Variants in NCKAP5 observed in about 807,000 individuals in gnomAD.
The protein encoded by NCKAP5 is NCK associated protein 5, also known as nck-associated protein 5.
Under a neutral mutation model 167.0 loss-of-function variants are expected in NCKAP5, and 92 were observed. That is an observed-to-expected ratio of 0.55 (90% CI 0.47 to 0.66). The LOEUF (loss-of-function observed/expected upper bound fraction) is 0.66, where lower values mean the gene tolerates loss of function less well. NCKAP5 is among the 30% of genes least tolerant of loss of function. The probability of loss-of-function intolerance (pLI) is 0.00; values close to 1 mark genes in which losing one functional copy is unlikely to be tolerated. For synonymous variants in NCKAP5, 891 were observed against 877.4 expected (o/e 1.02, Z -0.27); for missense variants, 2,378 against 2,315.0 (o/e 1.03, Z -0.56).
At chr2:133,047,057 A>G (rs1013569373) in intron 6 of NCKAP5, among the ~76,000 whole-genome samples, 1 of 152,210 alleles carries the variant, frequency 6.6e-6, no homozygotes, top group African/African-American at 2.4e-5. Flanking sequence ...CCACTTAAAG[A>G]GCACTATTCC....
At chr2:133,511,558 ATT>A (rs1442443939) in intron 3 of NCKAP5, among the ~76,000 whole-genome samples, 1 of 152,226 alleles carries the variant, frequency 6.6e-6, no homozygotes, top group African/African-American at 2.4e-5. Flanking sequence ...TCAGCGTGAC[ATT>A]TTGGAAAGGT....
the NCKAP5 span, among the ~76,000 whole-genome samples, chr2:133,618,081 T>C: frequency 6.7e-6 from 1 of 149,950 alleles, no homozygotes; most frequent in Non-Finnish European, 1.5e-5. Context: ...TAAATGGTGC[T>C]GGGAAAACTG....
intron 6 of NCKAP5, among the ~76,000 whole-genome samples, chr2:133,010,720 T>C (rs1197755501): frequency 6.6e-6 from 1 of 152,206 alleles, no homozygotes; most frequent in Admixed American, 6.5e-5. Context: ...CATTAAACAA[T>C]AGTCAAGTGT....
intron 4 of NCKAP5, among the ~76,000 whole-genome samples, chr2:133,234,274 T>C (rs572462150): frequency 5.3e-4 from 81 of 152,226 alleles, no homozygotes; most frequent in African/African-American, 1.8e-3. Context: ...TAAACAAAAG[T>C]ACACTGCAGA....
At chr2:133,503,227 T>C (rs1682695943) in intron 3 of NCKAP5, among the ~76,000 whole-genome samples, 1 of 152,218 alleles carries the variant, frequency 6.6e-6, no homozygotes. Flanking sequence ...ATGGAACACC[T>C]TGGAATGCTC....
chr2:133,175,889 C>T (rs1367702512), intron 5 of NCKAP5, among the ~76,000 whole-genome samples: 2 of 152,160 alleles, frequency 1.3e-5, no homozygotes, highest in African/African-American at 2.4e-5. Flanking sequence ...CCAGAAACCA[C>T]GGTAAATCCA....
the NCKAP5 span, among the ~76,000 whole-genome samples, chr2:133,602,873 C>A: frequency 1.3e-5 from 2 of 152,122 alleles, no homozygotes; most frequent in East Asian, 3.9e-4. Flanking sequence ...CTTTGAGAGG[C>A]CTTCTGCTGA....
At chr2:133,009,507 A>G (rs1304479361) in intron 6 of NCKAP5, among the ~76,000 whole-genome samples, 1 of 152,150 alleles carries the variant, frequency 6.6e-6, no homozygotes, top group Non-Finnish European at 1.5e-5. Context: ...CCAATGCTGG[A>G]AAGCTTAAAA....
intron 6 of NCKAP5, among the ~76,000 whole-genome samples, chr2:133,129,717 C>G (rs2082532494): frequency 6.6e-6 from 1 of 152,214 alleles, no homozygotes; most frequent in African/African-American, 2.4e-5. Context: ...CACCACAACT[C>G]ACTTGAAGAC....
chr2:132,811,893 T>C (rs1685902416), intron 11 of NCKAP5, among the ~76,000 whole-genome samples: 1 of 152,182 alleles, frequency 6.6e-6, no homozygotes, highest in Non-Finnish European at 1.5e-5. Flanking sequence ...TGGATCCCTG[T>C]GGTGCCAGGC....
intron 3 of NCKAP5, among the ~76,000 whole-genome samples, chr2:133,352,782 C>G (rs1203140143): frequency 6.6e-6 from 1 of 152,224 alleles, no homozygotes; most frequent in Admixed American, 6.5e-5. Context: ...GGAGAAGACT[C>G]TGGCCAGAAA....
At chr2:133,213,076 C>A (rs994400928) in intron 5 of NCKAP5, among the ~76,000 whole-genome samples, 4 of 152,172 alleles carry the variant, frequency 2.6e-5, no homozygotes, top group Admixed American at 2.6e-4. Flanking sequence ...AGTTACTCCA[C>A]GCATGCATTC....
intron 3 of NCKAP5, among the ~76,000 whole-genome samples, chr2:133,370,489 G>C (rs568405252): frequency 1.9e-4 from 29 of 152,232 alleles, no homozygotes; most frequent in African/African-American, 6.7e-4. Context: ...GGTAAGTAGA[G>C]GTTATGTGGA....
chr2:133,156,117 C>T (rs1157400874), intron 5 of NCKAP5, among the ~76,000 whole-genome samples: 1 of 152,200 alleles, frequency 6.6e-6, no homozygotes, highest in Non-Finnish European at 1.5e-5. Context: ...AGAGTAAACC[C>T]TTGTTGAATT....
At chr2:133,568,857 T>C (rs1022213573), upstream of NCKAP5, among the ~76,000 whole-genome samples, 1 of 152,190 alleles carries the variant, frequency 6.6e-6, no homozygotes, top group African/African-American at 2.4e-5. Context: ...CTTACATTGC[T>C]TAATTACTTT....
intron 8 of NCKAP5, among the ~76,000 whole-genome samples, chr2:132,900,512 A>T (rs1380255472): frequency 6.6e-6 from 1 of 152,202 alleles, no homozygotes; most frequent in Non-Finnish European, 1.5e-5. Context: ...ATATTCATAT[A>T]TACACACATA....
intron 3 of NCKAP5, among the ~76,000 whole-genome samples, chr2:133,390,739 G>A (rs1275404201): frequency 6.6e-6 from 1 of 152,106 alleles, no homozygotes; most frequent in Non-Finnish European, 1.5e-5. Flanking sequence ...GTGTGTGCCT[G>A]TGTACACCGT....
chr2:133,027,168 A>T (rs1203484484), intron 6 of NCKAP5, among the ~76,000 whole-genome samples: 3 of 152,196 alleles, frequency 2.0e-5, no homozygotes, highest in Non-Finnish European at 4.4e-5. Context: ...CATTAATATG[A>T]CTATGACAAG....
the NCKAP5 span, among the ~76,000 whole-genome samples, chr2:133,657,022 G>A: frequency 6.6e-6 from 1 of 151,622 alleles, no homozygotes; most frequent in Admixed American, 6.6e-5. Flanking sequence ...AACATGCGAT[G>A]TTTGGTTTTC....
Sources: allele counts gnomAD v4.1 joint callset (sites outside exome capture counted in the v4.1 genomes callset), GRCh38; gene constraint gnomAD v4.1.1; transcripts MANE v1.5; gene names NCBI Gene and HGNC (gene_info 2026-07-23, HGNC 2026-07-21).